The following HIVEP3 variants were observed in gnomAD, a reference collection of about 807,000 sequenced individuals.
The protein encoded by HIVEP3 is transcription factor HIVEP3.
A neutral mutation model predicts 152.8 loss-of-function variants in HIVEP3; 49 were observed. That is an observed-to-expected ratio of 0.32 (90% confidence interval 0.26 to 0.41). HIVEP3 has a LOEUF of 0.41. Ranked by LOEUF, HIVEP3 falls within the 10% of genes least tolerant of loss-of-function variation. The pLI is 1.00. For synonymous variants in HIVEP3, 1,269 were observed against 1,289.0 expected (o/e 0.98, Z 0.33); for missense variants, 2,790 against 3,103.3 (o/e 0.90, Z 2.40).
At chr1:41,757,561 C>T (rs1449125473) in intron 1 of HIVEP3, among the ~76,000 whole-genome samples, 1 of 151,976 alleles carries the variant, frequency 6.6e-6, no homozygotes. Flanking sequence ...GAGACTGTGT[C>T]TCAAAAAACA....
intron 1 of HIVEP3, among the ~76,000 whole-genome samples, chr1:41,786,636 G>T (rs764713764): frequency 6.6e-6 from 1 of 152,178 alleles, no homozygotes; most frequent in Non-Finnish European, 1.5e-5. Flanking sequence ...TGTATAGCCA[G>T]CAAAGCCTGA....
intron 1 of HIVEP3, among the ~76,000 whole-genome samples, chr1:41,833,087 T>G (rs1214542634): frequency 6.6e-6 from 1 of 152,210 alleles, no homozygotes; most frequent in Non-Finnish European, 1.5e-5. Context: ...ATAATTCAGC[T>G]AAAATAAACC....
chr1:41,580,771 C>A lies in HIVEP3; in HGVS notation c.4027G>T (p.Val1343Phe). The A allele has an allele frequency of 1.3e-6, 2 of 1,579,790 alleles. No individual in the cohort carries two copies. Among genetic ancestry groups the A allele is most frequent in the Non-Finnish European group, 1.7e-6 (2 of 1,163,752 alleles). Residue 1343 changes from valine (V) to phenylalanine (F), a missense_variant, in exon 4 of 9, where the codon GTC becomes TTC. By Grantham distance (50) the Val-to-Phe change is conservative. Around this residue, in one of 9 missense-constraint regions of HIVEP3, gnomAD observed 1,078 missense variants for 1,165.3 expected, o/e 0.93. Transcript: ENST00000372583. ...GCTGAGCTGCCTTGGGACTGGGTGA[C>A]CAAGATCTGGGAAAGGGTGGTGTAC... ...AMYTTLSQIL[V>F]TQSQGSSATV...
At chr1:41,520,916 G>C (rs1464505815) in intron 6 of HIVEP3, among the ~76,000 whole-genome samples, 1 of 152,196 alleles carries the variant, frequency 6.6e-6, no homozygotes, top group African/African-American at 2.4e-5. Flanking sequence ...AGGGCTGCTT[G>C]AACCAACACA....
At chr1:41,944,149 A>G (rs542564681) in intron 1 of HIVEP3, among the ~76,000 whole-genome samples, 2 of 152,338 alleles carry the variant, frequency 1.3e-5, no homozygotes, top group Admixed American at 6.5e-5. Flanking sequence ...TTATTGTTTG[A>G]TAAGTCCAGT....
chr1:41,692,554 G>C (rs1646213566), intron 2 of HIVEP3, among the ~76,000 whole-genome samples: 1 of 152,230 alleles, frequency 6.6e-6, no homozygotes, highest in African/African-American at 2.4e-5. Context: ...ATTGTAACCA[G>C]AGGCTCACAG....
intron 1 of HIVEP3, among the ~76,000 whole-genome samples, chr1:41,993,534 A>T (rs1645376182): frequency 6.6e-6 from 1 of 152,118 alleles, no homozygotes; most frequent in Non-Finnish European, 1.5e-5. Context: ...AAATAGGAAC[A>T]CTTATACACT....
chr1:41,736,707 T>C (rs1646924489), intron 1 of HIVEP3, among the ~76,000 whole-genome samples: 1 of 152,180 alleles, frequency 6.6e-6, no homozygotes, highest in African/African-American at 2.4e-5. Context: ...CCAGACTCTG[T>C]ACTGGATGCC....
chr1:41,592,778 T>C lies in HIVEP3; in HGVS notation c.-521-7460A>G, dbSNP rs1195970438. Among the ~76,000 whole-genome samples the C allele has an allele frequency of 2.6e-5, 4 of 152,366 alleles. No homozygotes were observed. In the East Asian group the frequency reaches 7.7e-4, roughly 29 times the overall value. ...GATGCTTGGCTCACCTATAACATTC[T>C]AACCTCACTCAGGTCAGGGTATCCC... On this transcript the variant is annotated intron_variant, in intron 3 of 8. Coordinates refer to ENST00000372583, the MANE Select transcript of HIVEP3 (RefSeq NM_024503.5).
At chr1:41,665,455 G>C (rs1157767518) in intron 2 of HIVEP3, among the ~76,000 whole-genome samples, 3 of 151,848 alleles carry the variant, frequency 2.0e-5, no homozygotes, top group African/African-American at 7.3e-5. Context: ...CCTCAAACAT[G>C]AATCAGGCAC....
intron 1 of HIVEP3, among the ~76,000 whole-genome samples, chr1:41,776,785 A>G (rs979336573): frequency 5.3e-5 from 8 of 152,226 alleles, no homozygotes; most frequent in African/African-American, 1.9e-4. Context: ...TCTCTCTGCC[A>G]TCTTTCTGGA....
At chr1:41,667,878 C>T (rs1010019919) in intron 2 of HIVEP3, among the ~76,000 whole-genome samples, 3 of 152,128 alleles carry the variant, frequency 2.0e-5, no homozygotes, top group African/African-American at 7.2e-5. Context: ...CCCCCCCAAG[C>T]CCCCCAACTC....
intron 1 of HIVEP3, among the ~76,000 whole-genome samples, chr1:41,781,001 C>T (rs960774139): frequency 6.6e-6 from 1 of 152,188 alleles, no homozygotes; most frequent in African/African-American, 2.4e-5. Flanking sequence ...CCCCATTGTT[C>T]GTGATTTTGT....
intron 1 of HIVEP3, among the ~76,000 whole-genome samples, chr1:41,825,582 T>C (rs965649397): frequency 2.0e-5 from 3 of 151,298 alleles, no homozygotes; most frequent in Non-Finnish European, 4.4e-5. Flanking sequence ...AAGTGAGATA[T>C]ATATATATAT....
chr1:41,881,213 G>A (rs1406984289), intron 1 of HIVEP3, among the ~76,000 whole-genome samples: 1 of 152,212 alleles, frequency 6.6e-6, no homozygotes, highest in African/African-American at 2.4e-5. Flanking sequence ...ATCTAATACA[G>A]GTCAGGGGTG....
chr1:41,891,785 G>A (rs542319746), intron 1 of HIVEP3, among the ~76,000 whole-genome samples: 7 of 152,320 alleles, frequency 4.6e-5, no homozygotes, highest in African/African-American at 1.4e-4. Flanking sequence ...GGTTAATTAC[G>A]TTTACTGACA....
intron 2 of HIVEP3, among the ~76,000 whole-genome samples, chr1:41,659,977 A>G (rs1411265817): frequency 6.6e-6 from 1 of 152,218 alleles, no homozygotes; most frequent in Non-Finnish European, 1.5e-5. Flanking sequence ...TGTGCGTAGG[A>G]GCAGATGTGT....
chr1:41,808,870 T>C (rs886464093), intron 1 of HIVEP3, among the ~76,000 whole-genome samples: 2 of 152,258 alleles, frequency 1.3e-5, no homozygotes, highest in Non-Finnish European at 2.9e-5. Flanking sequence ...ATGGAGCACC[T>C]GCTATGTGGC....
At chr1:41,942,923 G>A (rs928152174) in intron 1 of HIVEP3, among the ~76,000 whole-genome samples, 4 of 151,032 alleles carry the variant, frequency 2.6e-5, no homozygotes, top group Non-Finnish European at 4.4e-5. Context: ...TTTTTGAGAC[G>A]GAGTTTCGCT....
Sources: gnomAD v4.1 joint callset for allele counts (sites outside exome capture counted in the v4.1 genomes callset) on GRCh38, gnomAD v4.1.1 for gene constraint, gnomAD v4.1.1 regional missense constraint, MANE v1.5 for transcripts, NCBI Gene and HGNC (gene_info 2026-07-23, HGNC 2026-07-21) for gene names.